Variants in KCNIP4 observed in about 807,000 individuals in gnomAD.
The protein encoded by KCNIP4 is Kv channel-interacting protein 4.
In KCNIP4, 12 loss-of-function variants were observed where a neutral mutation model predicts 34.0. That is an observed-to-expected ratio of 0.35 (90% CI 0.23 to 0.57). The LOEUF (loss-of-function observed/expected upper bound fraction) is 0.57. Ranked by LOEUF, KCNIP4 falls within the 20% of genes least tolerant of loss-of-function variation. KCNIP4 has a pLI of 0.83. For synonymous variants in KCNIP4, 124 were observed against 102.2 expected, an observed-to-expected ratio of 1.21 and a Z score of -1.29; for missense variants, 238 against 311.7, an observed-to-expected ratio of 0.76 and a Z score of 1.78.
chr4:21,536,909 C>T (rs1737222844), intron 1 of KCNIP4, among the ~76,000 whole-genome samples: 1 of 152,070 alleles, frequency 6.6e-6, no homozygotes, highest in African/African-American at 2.4e-5. Context: ...GATCTTGAGC[C>T]CTGTTTCTTT....
intron 1 of KCNIP4, among the ~76,000 whole-genome samples, chr4:20,990,425 C>T (rs1273621758): frequency 1.3e-5 from 2 of 152,122 alleles, no homozygotes; most frequent in Admixed American, 6.5e-5. Context: ...CTATTAAGTA[C>T]CACAGCCTTC....
intron 1 of KCNIP4, among the ~76,000 whole-genome samples, chr4:21,809,827 G>A (rs1721517338): frequency 6.6e-6 from 1 of 152,112 alleles, no homozygotes; most frequent in Non-Finnish European, 1.5e-5. Context: ...GAGCATCTCT[G>A]ACAGGTCAGA....
rs1348520491 is a variant in KCNIP4 at position 21,368,026 on chromosome 4, G to A, written c.62-485317C>T. Reference sequence around the variant, plus strand: ...ACCTCTTGCCAGGCTGAGACAAAATGGTGAAACAAGGTGGTCAGCCTGGAG... The same window carrying A: ...ACCTCTTGCCAGGCTGAGACAAAATAGTGAAACAAGGTGGTCAGCCTGGAG... On this transcript the variant is annotated intron_variant, in intron 1 of 8. Coordinates refer to ENST00000382152, the MANE Select transcript of KCNIP4 (RefSeq NM_025221.6). Among the ~76,000 whole-genome samples, 4 of 147,158 alleles carry A rather than the reference G, an allele frequency of 2.7e-5. 1 individual carries two copies. Among genetic ancestry groups the A allele is most frequent in the African/African-American group, 1.1e-4 (4 of 36,794 alleles).
intron 1 of KCNIP4, among the ~76,000 whole-genome samples, chr4:21,405,713 C>T (rs1223551875): frequency 6.6e-6 from 1 of 152,142 alleles, no homozygotes; most frequent in Non-Finnish European, 1.5e-5. Context: ...TCTGTTAGTC[C>T]AAGTATTAGC....
At chr4:21,190,843 T>A (rs1755591787) in intron 1 of KCNIP4, among the ~76,000 whole-genome samples, 1 of 152,090 alleles carries the variant, frequency 6.6e-6, no homozygotes, top group Non-Finnish European at 1.5e-5. Context: ...GCGCAGCTGC[T>A]CTGACACTCT....
intron 3 of KCNIP4, among the ~76,000 whole-genome samples, chr4:20,795,412 A>G (rs1713322206): frequency 6.6e-6 from 1 of 152,296 alleles, no homozygotes; most frequent in South Asian, 2.1e-4. Context: ...AGTTGCTTTT[A>G]TTAATATCAG....
intron 1 of KCNIP4, among the ~76,000 whole-genome samples, chr4:20,902,653 G>A (rs917771744): frequency 5.3e-5 from 8 of 152,040 alleles, no homozygotes; most frequent in African/African-American, 9.7e-5. Context: ...CCAAGTAGCT[G>A]GGGTTACAGG....
At chr4:21,496,808 G>A (rs181170848) in intron 1 of KCNIP4, among the ~76,000 whole-genome samples, 42 of 152,294 alleles carry the variant, frequency 2.8e-4, no homozygotes, top group Middle Eastern at 3.4e-3. Flanking sequence ...CTGCACATGC[G>A]AGGGATCTAG....
At chr4:20,748,263 A>C (rs866976383) in intron 5 of KCNIP4, among the ~76,000 whole-genome samples, 59 of 151,938 alleles carry the variant, frequency 3.9e-4, no homozygotes, top group Middle Eastern at 3.2e-3. Context: ...TTGATGATTT[A>C]CACGTTTCCC....
At chr4:21,418,178 C>T (rs962491122) in intron 1 of KCNIP4, among the ~76,000 whole-genome samples, 20 of 152,320 alleles carry the variant, frequency 1.3e-4, no homozygotes, top group African/African-American at 3.8e-4. Context: ...CTCCCTCTCT[C>T]TCTCTCTCTC....
chr4:20,876,537 C>T (rs57572149), intron 2 of KCNIP4, among the ~76,000 whole-genome samples: 5,443 of 152,194 alleles, frequency 0.036, 100 homozygotes, highest in African/African-American at 0.053. Flanking sequence ...AGCCAGCTGT[C>T]AGCCTCCAAG....
chr4:21,870,568 G>C (rs1725729297), intron 1 of KCNIP4, among the ~76,000 whole-genome samples: 1 of 152,220 alleles, frequency 6.6e-6, no homozygotes, highest in African/African-American at 2.4e-5. Context: ...TCATCAGTAT[G>C]AGTATGTATG....
chr4:21,453,601 C>A (rs10938840), intron 1 of KCNIP4, among the ~76,000 whole-genome samples: 1,716 of 152,086 alleles, frequency 0.011, 41 homozygotes, highest in African/African-American at 0.039. Flanking sequence ...TCACTCAAGC[C>A]TCATCACAGA....
Position 21,336,469 on chromosome 4 carries a change from C to T in KCNIP4, c.62-453760G>A, listed in dbSNP as rs558639646. ...AAACTACACCCATTTTTATTCTATT[C>T]ATCAAGGTATAAAGCTCCCATTTGT... On this transcript the variant is annotated intron_variant, in intron 1 of 8. Coordinates refer to ENST00000382152, the MANE Select transcript of KCNIP4 (RefSeq NM_025221.6). Among the ~76,000 whole-genome samples the T allele has an allele frequency of 1.2e-4, 18 of 152,196 alleles. 1 individual carries two copies. In the South Asian group the frequency reaches 3.1e-3, roughly 26 times the overall value.
At chr4:21,806,083 G>A (rs7654180) in intron 1 of KCNIP4, among the ~76,000 whole-genome samples, 57,331 of 151,996 alleles carry the variant, frequency 0.38, 11,926 homozygotes, top group East Asian at 0.65. Context: ...CAGCATGGTA[G>A]TTAAGGGTTT....
At chr4:20,951,383 G>A (rs768601811) in intron 1 of KCNIP4, among the ~76,000 whole-genome samples, 1 of 152,186 alleles carries the variant, frequency 6.6e-6, no homozygotes, top group Non-Finnish European at 1.5e-5. Flanking sequence ...AAGAAATTTG[G>A]TAGAAGTATT....
intron 1 of KCNIP4, among the ~76,000 whole-genome samples, chr4:20,905,649 C>G (rs1338661932): frequency 1.3e-5 from 2 of 151,124 alleles, no homozygotes; most frequent in African/African-American, 4.9e-5. Context: ...GTAGCTGGAA[C>G]TACAGACATG....
At chr4:21,280,681 C>A (rs1762722175) in intron 1 of KCNIP4, among the ~76,000 whole-genome samples, 1 of 152,212 alleles carries the variant, frequency 6.6e-6, no homozygotes, top group African/African-American at 2.4e-5. Flanking sequence ...ACCCATCTAG[C>A]AACCACCAGT....
At chr4:20,801,203 G>A (rs1474307045) in intron 3 of KCNIP4, among the ~76,000 whole-genome samples, 1 of 150,652 alleles carries the variant, frequency 6.6e-6, no homozygotes, top group East Asian at 2.0e-4. Flanking sequence ...AGAAATAAAA[G>A]AGGCATAAAA....
Sources: allele counts gnomAD v4.1 joint callset (sites outside exome capture counted in the v4.1 genomes callset), GRCh38; gene constraint gnomAD v4.1.1; transcripts MANE v1.5; gene names NCBI Gene and HGNC (gene_info 2026-07-23, HGNC 2026-07-21).